Variants in CHD7 observed in about 807,000 individuals in gnomAD.
CHD7 encodes the protein ATP-dependent chromatin remodeler CHD7.
CHD7 carries 24 observed loss-of-function variants against 307.3 expected under a neutral mutation model. The observed-to-expected ratio is 0.08, with a 90% CI of 0.06 to 0.11. The LOEUF is 0.11. CHD7 is among the 10% of genes least tolerant of loss of function. CHD7 has a pLI of 1.00. For synonymous variants in CHD7, 1,363 were observed against 1,349.9 expected, an observed-to-expected ratio of 1.01 and a Z score of -0.21; for missense variants, 3,106 against 3,727.1, an observed-to-expected ratio of 0.83 and a Z score of 4.34.
intron 4 of CHD7, among the ~76,000 whole-genome samples, chr8:60,798,080 G>T (rs1173446688): frequency 6.6e-6 from 1 of 152,194 alleles, no homozygotes; most frequent in African/African-American, 2.4e-5. Flanking sequence ...AAAATTACTT[G>T]TCCAAGGTCA....
chr8:60,802,558 C>T (rs955952536), intron 6 of CHD7, among the ~76,000 whole-genome samples: 5 of 152,182 alleles, frequency 3.3e-5, no homozygotes, highest in African/African-American at 7.2e-5. Context: ...ATAATAAAGA[C>T]ATGGTCTAGC....
At chr8:60,791,706 G>T (rs1002258047) in intron 3 of CHD7, among the ~76,000 whole-genome samples, 6 of 152,348 alleles carry the variant, frequency 3.9e-5, no homozygotes, top group Middle Eastern at 3.4e-3. Context: ...TGATGAGGCA[G>T]TGGGGAGCTG....
At chr8:60,716,859 C>T (rs10808712) in intron 1 of CHD7, among the ~76,000 whole-genome samples, 100,338 of 151,898 alleles carry the variant, frequency 0.66, 35,269 homozygotes, top group East Asian at 0.93. Flanking sequence ...AAAATGTCTT[C>T]GGTTCTCTGT....
intron 2 of CHD7, among the ~76,000 whole-genome samples, chr8:60,765,255 A>C (rs62526486): frequency 4.0e-5 from 6 of 151,624 alleles, no homozygotes; most frequent in Non-Finnish European, 8.8e-5. Context: ...GCACACACAC[A>C]TGTATTTATA....
chr8:60,861,714 G>A (rs1242332407), intron 35 of CHD7: 3 of 153,740 alleles, frequency 2.0e-5, no homozygotes, highest in African/African-American at 7.2e-5. Context: ...AAACTTAAAT[G>A]TAGAGTTTTA....
At chr8:60,831,220 A>G (rs183930734) in intron 15 of CHD7, among the ~76,000 whole-genome samples, 60 of 152,268 alleles carry the variant, frequency 3.9e-4, no homozygotes, top group African/African-American at 1.3e-3. Context: ...GGAGAATGCA[A>G]AGGTAAATAA....
chr8:60,839,028 T>G (rs1257516458), intron 19 of CHD7, among the ~76,000 whole-genome samples: 2 of 152,264 alleles, frequency 1.3e-5, no homozygotes, highest in Non-Finnish European at 2.9e-5. Flanking sequence ...TCTAAGTTTG[T>G]AACATTTCCA....
Position 60,784,718 on chromosome 8 carries a change from A to G in CHD7, c.2096+3288A>G, listed in dbSNP as rs72650495. 6.7e-3 allele frequency among the ~76,000 whole-genome samples: 1,015 copies of G among 152,288 alleles called. 14 individuals are homozygous for G. Among genetic ancestry groups the G allele is most frequent in the Non-Finnish European group, 0.011 (732 of 68,018 alleles). On this transcript the variant is annotated intron_variant, in intron 3 of 37. Coordinates refer to ENST00000423902, the MANE Select transcript of CHD7 (RefSeq NM_017780.4). ...CAGAGAACTGGCCTTTTTGACAACTAAAATATGATCATACATGTCTTTCCT... is the reference window on the plus strand; with the variant it reads ...CAGAGAACTGGCCTTTTTGACAACTGAAATATGATCATACATGTCTTTCCT...
chr8:60,797,421 T>C (rs1232950562), intron 4 of CHD7, among the ~76,000 whole-genome samples: 1 of 152,376 alleles, frequency 6.6e-6, no homozygotes, highest in South Asian at 2.1e-4. Context: ...TTAAAAGTTA[T>C]ACTTACCAAC....
chr8:60,774,493 T>A (rs1810858595), intron 2 of CHD7, among the ~76,000 whole-genome samples: 1 of 152,226 alleles, frequency 6.6e-6, no homozygotes, highest in South Asian at 2.1e-4. Flanking sequence ...CTCTTCCCAT[T>A]GCCCTAGAAG....
At chr8:60,710,640 A>G (rs1053703648) in intron 1 of CHD7, among the ~76,000 whole-genome samples, 1 of 152,206 alleles carries the variant, frequency 6.6e-6, no homozygotes, top group African/African-American at 2.4e-5. Context: ...AATATTTGTC[A>G]TGGATGACTA....
At chr8:60,810,554 T>G (rs1812752454) in intron 7 of CHD7, among the ~76,000 whole-genome samples, 1 of 152,208 alleles carries the variant, frequency 6.6e-6, no homozygotes, top group Non-Finnish European at 1.5e-5. Flanking sequence ...TCCTTTCCCC[T>G]TTAATATTAG....
intron 35 of CHD7, 196 bp from the exon 36 acceptor site, chr8:60,862,000 T>C (rs959387856): frequency 3.2e-5 from 14 of 436,912 alleles, no homozygotes; most frequent in Non-Finnish European, 4.0e-5. Context: ...TTCTCACTTA[T>C]GTATTCCTTA....
At chr8:60,785,510 T>G (rs1300523194) in intron 3 of CHD7, among the ~76,000 whole-genome samples, 1 of 152,236 alleles carries the variant, frequency 6.6e-6, no homozygotes, top group Non-Finnish European at 1.5e-5. Context: ...AGTAGTAGTA[T>G]TTGTATAGCA....
intron 29 of CHD7, 101 bp downstream of exon 29, chr8:60,852,348 A>G: frequency 7.5e-7 from 1 of 1,329,694 alleles, no homozygotes. Context: ...GGTAGTGACC[A>G]CCAAAGAAAG....
intron 1 of CHD7, among the ~76,000 whole-genome samples, chr8:60,733,466 G>A (rs1451217266): frequency 3.3e-5 from 5 of 152,146 alleles, no homozygotes; most frequent in African/African-American, 1.2e-4. Flanking sequence ...TCTGCACTGC[G>A]GCAGCAGGTC....
chr8:60,862,401 C>T (rs896528863), intron 36 of CHD7, 65 bp downstream of exon 36: 12 of 1,532,536 alleles, frequency 7.8e-6, no homozygotes, highest in African/African-American at 6.9e-5. Context: ...GTGTTTTATC[C>T]TGCCTTCTTC....
intron 8 of CHD7, among the ~76,000 whole-genome samples, chr8:60,817,969 C>T (rs1189955648): frequency 1.3e-5 from 2 of 152,180 alleles, no homozygotes; most frequent in African/African-American, 4.8e-5. Flanking sequence ...CCTGTAGTCA[C>T]ACTGTCTTTA....
rs374937585 is a variant in CHD7, at chr8:60,865,579, G to A, written c.8640G>A (p.Pro2880=). The A allele has an allele frequency of 2.5e-6, 4 of 1,613,882 alleles. No homozygotes were observed. Among genetic ancestry groups the A allele is most frequent in the African/African-American group, 1.3e-5 (1 of 74,924 alleles). The change falls in exon 38 of 38, where the codon CCG becomes CCA. Residue 2880 remains proline, a synonymous_variant. Coordinates refer to ENST00000423902, the MANE Select transcript of CHD7 (RefSeq NM_017780.4). The surrounding 1 kb of genome is among the most constrained non-coding windows in gnomAD (Gnocchi z 4.3). ...GATCTGTTGGTGCTGCTACTGCCCC[G>A]GCTGGATTGCCCTCAAACCCGCTAG... ...ANGSVGAATA[P]AGLPSNPLAF...
Sources: allele counts gnomAD v4.1 joint callset (sites outside exome capture counted in the v4.1 genomes callset), GRCh38; gene constraint gnomAD v4.1.1; non-coding constraint Gnocchi (gnomAD v3.1); transcripts MANE v1.5; gene names NCBI Gene and HGNC (gene_info 2026-07-23, HGNC 2026-07-21).